Variants in ERICH6 observed in about 807,000 individuals in gnomAD.
The protein encoded by ERICH6 is glutamate rich 6.
Under a neutral mutation model 71.0 loss-of-function variants are expected in ERICH6, and 71 were observed. The observed-to-expected ratio is 1.00, with a 90% CI of 0.83 to 1.22. ERICH6 has a LOEUF of 1.22. Among genes scored for constraint, ERICH6 ranks in the 50% most tolerant of loss-of-function variants. The pLI, the probability that ERICH6 is intolerant of heterozygous loss-of-function variation, is 0.00. For synonymous variants in ERICH6, 262 were observed against 278.4 expected, an observed-to-expected ratio of 0.94 and a Z score of 0.59; for missense variants, 808 against 797.2, an observed-to-expected ratio of 1.01 and a Z score of -0.16.
intron 3 of ERICH6, among the ~76,000 whole-genome samples, chr3:150,686,597 C>T (rs901698075): frequency 6.6e-6 from 1 of 152,134 alleles, no homozygotes; most frequent in Non-Finnish European, 1.5e-5. Context: ...ATACAGTAGT[C>T]CCCCTTGATC....
At position 150,685,819 on chromosome 3, in the gene ERICH6, T is replaced by G; in HGVS notation, c.706A>C (p.Arg236=). ...GGTGGTCCGATGCTGGGTAACGTTC[T>G]TAGAGAAGGCTCGAACAGTGTTATG... ...DFITLFEPSL[R]TLPSIGPPSI... The change falls in exon 6 of 14, where the codon AGA becomes CGA. Residue 236 remains arginine, a synonymous_variant. Coordinates refer to ENST00000295910, the MANE Select transcript of ERICH6 (RefSeq NM_152394.5). 6.2e-7 allele frequency: 1 copy of G among 1,614,184 alleles called. No homozygotes were observed. The highest frequency in any genetic ancestry group is 1.1e-5 in the South Asian group (1 of 91,086).
intron 12 of ERICH6, among the ~76,000 whole-genome samples, chr3:150,668,990 C>A (rs1463702806): frequency 1.3e-5 from 2 of 152,174 alleles, no homozygotes; most frequent in African/African-American, 4.8e-5. Context: ...AGTTACATCC[C>A]AAATCCCTAG....
chr3:150,680,592 A>T, intron 8 of ERICH6, 54 bp from the exon 9 acceptor site: 1 of 1,600,374 alleles, frequency 6.2e-7, no homozygotes. Flanking sequence ...GAAGCTTAAA[A>T]CAGTCTACTA....
chr3:150,701,380 T>C (rs1712863115), intron 2 of ERICH6, among the ~76,000 whole-genome samples: 1 of 151,950 alleles, frequency 6.6e-6, no homozygotes, highest in Non-Finnish European at 1.5e-5. Context: ...TCATTTTAAA[T>C]AATGGAAACA....
chr3:150,692,860 T>C (rs893960896), intron 3 of ERICH6, among the ~76,000 whole-genome samples: 1 of 152,094 alleles, frequency 6.6e-6, no homozygotes, highest in African/African-American at 2.4e-5. Flanking sequence ...TTAACAGGTG[T>C]TCTCAAATGC....
intron 3 of ERICH6, among the ~76,000 whole-genome samples, chr3:150,697,017 T>A (rs912870624): frequency 6.6e-6 from 1 of 152,190 alleles, no homozygotes; most frequent in African/African-American, 2.4e-5. Context: ...AGTTGGGGAA[T>A]CTTTAAATAA....
chr3:150,691,344 G>A (rs1229236619), intron 3 of ERICH6, among the ~76,000 whole-genome samples: 1 of 151,972 alleles, frequency 6.6e-6, no homozygotes, highest in Non-Finnish European at 1.5e-5. Context: ...AAAAGAAAAG[G>A]GTGTCCTTTT....
At chr3:150,665,471 C>T (rs541111754) in intron 13 of ERICH6, among the ~76,000 whole-genome samples, 6 of 143,706 alleles carry the variant, frequency 4.2e-5, no homozygotes, top group African/African-American at 1.3e-4. Context: ...GAGCCAAGCT[C>T]GCACCACTGC....
At chr3:150,692,835 T>A (rs1408008634) in intron 3 of ERICH6, among the ~76,000 whole-genome samples, 1 of 152,128 alleles carries the variant, frequency 6.6e-6, no homozygotes, top group Non-Finnish European at 1.5e-5. Context: ...GGATTTATAA[T>A]CAGTTATAAA....
intron 3 of ERICH6, among the ~76,000 whole-genome samples, chr3:150,693,504 A>G (rs1712530676): frequency 6.6e-6 from 1 of 152,242 alleles, no homozygotes. Context: ...CACCCAACTC[A>G]TAGGTATTTG....
intron 13 of ERICH6, among the ~76,000 whole-genome samples, chr3:150,664,638 C>T (rs764164014): frequency 2.0e-5 from 3 of 147,644 alleles, no homozygotes; most frequent in Non-Finnish European, 4.4e-5. Context: ...CAGAGCGAGA[C>T]TCCATCTGAA....
chr3:150,681,706 T>C (rs1344327099), intron 7 of ERICH6, among the ~76,000 whole-genome samples: 1 of 152,208 alleles, frequency 6.6e-6, no homozygotes, highest in Non-Finnish European at 1.5e-5. Context: ...TTATCAACAC[T>C]TGTTATTATC....
intron 10 of ERICH6, among the ~76,000 whole-genome samples, chr3:150,677,475 TA>T (rs144029296): frequency 0.045 from 6,891 of 151,956 alleles, 192 homozygotes; most frequent in Non-Finnish European, 0.069. Context: ...AATATTAATG[TA>T]AACTATATAA....
At chr3:150,677,549 T>G (rs1388286600) in intron 10 of ERICH6, among the ~76,000 whole-genome samples, 2 of 151,572 alleles carry the variant, frequency 1.3e-5, no homozygotes, top group African/African-American at 4.8e-5. Flanking sequence ...CAGGCTGGAG[T>G]GCAGTGGCAC....
At chr3:150,660,249 G>A in intron 13 of ERICH6, 94 bp from the exon 14 acceptor site, 1 of 1,401,108 alleles carries the variant, frequency 7.1e-7, no homozygotes, top group Non-Finnish European at 9.7e-7. Context: ...TGTGGGGTTG[G>A]ATTCCCTGAT....
intron 10 of ERICH6, among the ~76,000 whole-genome samples, chr3:150,677,536 A>G (rs1400225943): frequency 6.6e-6 from 1 of 151,676 alleles, no homozygotes; most frequent in Non-Finnish European, 1.5e-5. Flanking sequence ...TTGCTCTGTC[A>G]CCCAGGCTGG....
chr3:150,681,164 C>T (rs1359121737), intron 7 of ERICH6, among the ~76,000 whole-genome samples: 2 of 152,194 alleles, frequency 1.3e-5, no homozygotes, highest in East Asian at 1.9e-4. Context: ...ATTTTAGAAT[C>T]TGAAACCTGT....
chr3:150,660,507 G>T (rs139534587), intron 13 of ERICH6, among the ~76,000 whole-genome samples: 25 of 152,278 alleles, frequency 1.6e-4, no homozygotes, highest in African/African-American at 6.0e-4. Context: ...TGAAGGCTGG[G>T]TGCTCACTGG....
At chr3:150,669,009 T>C (rs1483549525) in intron 12 of ERICH6, among the ~76,000 whole-genome samples, 2 of 152,192 alleles carry the variant, frequency 1.3e-5, no homozygotes, top group African/African-American at 4.8e-5. Context: ...AGAGTTACCA[T>C]ATCATTTATC....
Sources: allele counts gnomAD v4.1 joint callset (sites outside exome capture counted in the v4.1 genomes callset), GRCh38; gene constraint gnomAD v4.1.1; transcripts MANE v1.5; gene names NCBI Gene and HGNC (gene_info 2026-07-23, HGNC 2026-07-21).